The following TRIM2 variants were observed in gnomAD, a reference collection of about 807,000 sequenced individuals.
TRIM2 encodes the protein tripartite motif containing 2.
TRIM2 carries 20 observed loss-of-function variants against 75.2 expected under a neutral mutation model. The observed-to-expected ratio is 0.27, with a 90% confidence interval of 0.19 to 0.39. TRIM2 has a LOEUF of 0.39. Ranked by LOEUF, TRIM2 falls within the 10% of genes least tolerant of loss-of-function variation. The probability of loss-of-function intolerance (pLI) is 1.00; values close to 1 mark genes in which losing one functional copy is unlikely to be tolerated. For missense variants in TRIM2, 660 were observed against 990.8 expected, an observed-to-expected ratio of 0.67 and a Z score of 4.48; for synonymous variants, 373 against 388.3, an observed-to-expected ratio of 0.96 and a Z score of 0.46.
chr4:153,209,442 G>A (rs1011093020), intron 1 of TRIM2, among the ~76,000 whole-genome samples: 9 of 152,116 alleles, frequency 5.9e-5, no homozygotes, highest in Admixed American at 3.9e-4. Flanking sequence ...CAAGGCACAT[G>A]CTGGGTACAA....
intron 1 of TRIM2, among the ~76,000 whole-genome samples, chr4:153,267,967 A>G (rs569313492): frequency 5.0e-4 from 76 of 152,294 alleles, no homozygotes; most frequent in African/African-American, 1.8e-3. Context: ...AGCATTCGGG[A>G]TCGGAGTTTT....
At chr4:153,153,851 C>CA (rs1223581960) in intron 1 of TRIM2, among the ~76,000 whole-genome samples, 2 of 152,230 alleles carry the variant, frequency 1.3e-5, no homozygotes, top group African/African-American at 4.8e-5. Context: ...CTGCAGGCCT[C>CA]AGTCTCTCGC....
Position 153,244,147 on chromosome 4 carries a change from CTTCTTG to C in TRIM2, c.31-26182_31-26177del, listed in dbSNP as rs1167709175. Among the ~76,000 whole-genome samples, 834 of 139,118 alleles carry C rather than the reference CTTCTTG, an allele frequency of 6.0e-3. 18 individuals carry two copies. Among genetic ancestry groups the C allele is most frequent in the South Asian group, 0.015 (55 of 3,780 alleles). 91.3% of individuals were successfully genotyped at this position (139,118 alleles called of 152,430 possible). A position where few individuals can be genotyped will look rare whatever the true frequency, so the allele number is the denominator to read the frequency against. Reference sequence around the variant, plus strand: ...TCTTCTTCTTCTTCTTCTTCTTGTTCTTCTTGTTCTTCTTCTTCTTCTTCTTCTTCT... The same window carrying C: ...TCTTCTTCTTCTTCTTCTTCTTGTTCTTCTTCTTCTTCTTCTTCTTCTTCT... On this transcript the variant is annotated intron_variant, in intron 1 of 11. Transcript: ENST00000338700.
rs143657020 is a variant in TRIM2 at position 153,314,861 on chromosome 4, A to G, written c.1511-624A>G. Among the ~76,000 whole-genome samples, 136 of 152,252 alleles carry G rather than the reference A, an allele frequency of 8.9e-4. 1 individual carries two copies. In the East Asian group the frequency reaches 0.024, roughly 27 times the overall value. On this transcript the variant is annotated intron_variant, in intron 6 of 11. Coordinates refer to ENST00000338700, the MANE Select transcript of TRIM2 (RefSeq NM_015271.5). ...GCCAAGCGTCCACATTTCTTCCAAG[A>G]GCTGCTGAGTGAGAGGGTAGAATTT...
At chr4:153,242,444 TA>T (rs1009212632) in intron 1 of TRIM2, among the ~76,000 whole-genome samples, 2 of 152,176 alleles carry the variant, frequency 1.3e-5, no homozygotes, top group African/African-American at 4.8e-5. Context: ...AACCTTTTAG[TA>T]CCATAATCCT....
chr4:153,308,567 C>T, intron 6 of TRIM2: 1 of 699,858 alleles, frequency 1.4e-6, no homozygotes, highest in South Asian at 1.4e-5. Flanking sequence ...TGTCTCTGTG[C>T]ATTGCTGTGG....
Position 153,316,013 on chromosome 4 carries a change from C to A in TRIM2, c.1782+14C>A. On this transcript the variant is annotated intron_variant, in intron 8 of 11. Coordinates refer to ENST00000338700, the MANE Select transcript of TRIM2 (RefSeq NM_015271.5). ...GGGAAATTTAAGGTAAGATTAACTACTAATTGTTCACTAAACAATGGAGAG... is the reference window on the plus strand; with the variant it reads ...GGGAAATTTAAGGTAAGATTAACTAATAATTGTTCACTAAACAATGGAGAG... 1 of 1,542,436 alleles carries A rather than the reference C, an allele frequency of 6.5e-7. No individual in the cohort carries two copies. Among genetic ancestry groups the A allele is most frequent in the Admixed American group, 2.2e-5 (1 of 44,996 alleles).
intron 1 of TRIM2, among the ~76,000 whole-genome samples, chr4:153,189,174 T>G (rs1344271902): frequency 6.6e-6 from 1 of 152,210 alleles, no homozygotes; most frequent in Non-Finnish European, 1.5e-5. Flanking sequence ...CTAACTAGAA[T>G]GCTGTTGGCT....
chr4:153,328,739 C>A (rs933685492), intron 11 of TRIM2, 69 bp downstream of exon 11: 2 of 1,457,814 alleles, frequency 1.4e-6, no homozygotes, highest in Non-Finnish European at 1.8e-6. Flanking sequence ...ATTTGCTGTC[C>A]CCCAAACTGG....
chr4:153,319,886 G>C (rs1768550074), intron 8 of TRIM2, among the ~76,000 whole-genome samples: 2 of 152,044 alleles, frequency 1.3e-5, no homozygotes, highest in Non-Finnish European at 2.9e-5. Context: ...AGAAATTTTG[G>C]TTCAATGTTT....
intron 1 of TRIM2, among the ~76,000 whole-genome samples, chr4:153,173,187 A>T (rs1362989191): frequency 6.6e-6 from 1 of 152,098 alleles, no homozygotes; most frequent in African/African-American, 2.4e-5. Flanking sequence ...GGAGTGCTGG[A>T]AGGGCCCAGA....
intron 1 of TRIM2, among the ~76,000 whole-genome samples, chr4:153,195,603 C>T (rs949411942): frequency 6.6e-6 from 1 of 152,232 alleles, no homozygotes; most frequent in Non-Finnish European, 1.5e-5. Flanking sequence ...CAGCAGGAGC[C>T]CTACATTTGT....
chr4:153,253,571 G>A (rs1242693190), intron 1 of TRIM2, among the ~76,000 whole-genome samples: 1 of 152,188 alleles, frequency 6.6e-6, no homozygotes, highest in Admixed American at 6.5e-5. Flanking sequence ...GGTAAAATGA[G>A]GCTGAAACCT....
At chr4:153,232,604 T>C (rs1743942811) in intron 1 of TRIM2, among the ~76,000 whole-genome samples, 1 of 151,212 alleles carries the variant, frequency 6.6e-6, no homozygotes, top group Admixed American at 6.6e-5. Context: ...GACCCCAGCA[T>C]GCAGAATATG....
At chr4:153,330,234 T>A (rs893770999) in intron 11 of TRIM2, among the ~76,000 whole-genome samples, 20 of 152,212 alleles carry the variant, frequency 1.3e-4, no homozygotes. Context: ...CTTCCAAATG[T>A]TTAAAGAATT....
intron 1 of TRIM2, among the ~76,000 whole-genome samples, chr4:153,267,404 G>A (rs921023013): frequency 3.3e-5 from 5 of 152,190 alleles, no homozygotes; most frequent in Non-Finnish European, 7.4e-5. Context: ...TGTAATCCCA[G>A]CACTTTGGGA....
upstream of TRIM2, among the ~76,000 whole-genome samples, chr4:153,202,433 G>A (rs376865436): frequency 1.7e-4 from 26 of 152,164 alleles, no homozygotes; most frequent in East Asian, 4.4e-3. Flanking sequence ...GCGTTGGCTC[G>A]TGCCTGTAAT....
chr4:153,337,160 CTT>C lies in TRIM2; in HGVS notation c.*2197_*2198del. On this transcript the variant is annotated 3_prime_UTR_variant, in exon 12 of 12. Transcript: ENST00000338700. Reference sequence around the variant, plus strand: ...TCTTGTCTAGATTGTTTAAAAGAAACTTTTCAAATTGGTTACATTAATTTTAG... The same window carrying C: ...TCTTGTCTAGATTGTTTAAAAGAAACTTCAAATTGGTTACATTAATTTTAG... 1 of 985,380 alleles carries C rather than the reference CTT, an allele frequency of 1.0e-6. No individual in the cohort carries two copies. Among genetic ancestry groups the C allele is most frequent in the South Asian group, 4.7e-5 (1 of 21,286 alleles). 61.0% of individuals were successfully genotyped at this position (985,380 alleles called of 1,614,324 possible).
At chr4:153,272,242 G>A (rs139805739) in intron 2 of TRIM2, among the ~76,000 whole-genome samples, 1,613 of 151,780 alleles carry the variant, frequency 0.011, 29 homozygotes, top group African/African-American at 0.036. Context: ...TCTGCCTCCC[G>A]GATTCACGCC....
Sources: gnomAD v4.1 joint callset for allele counts (sites outside exome capture counted in the v4.1 genomes callset) on GRCh38, gnomAD v4.1.1 for gene constraint, MANE v1.5 for transcripts, NCBI Gene and HGNC (gene_info 2026-07-23, HGNC 2026-07-21) for gene names.